The following MUSK variants were observed in gnomAD, a reference collection of about 807,000 sequenced individuals.
MUSK encodes muscle, skeletal receptor tyrosine-protein kinase.
MUSK carries 55 observed loss-of-function variants against 88.7 expected under a neutral mutation model. The ratio of observed to expected loss-of-function variants is 0.62; its 90% CI spans 0.50 to 0.78. The LOEUF (loss-of-function observed/expected upper bound fraction) is 0.78. MUSK is among the 30% of genes least tolerant of loss of function. MUSK has a pLI of 0.00. For synonymous variants in MUSK, 387 were observed against 391.9 expected, an observed-to-expected ratio of 0.99 and a Z score of 0.15; for missense variants, 1,015 against 1,074.3, an observed-to-expected ratio of 0.94 and a Z score of 0.77.
chr9:110,787,361 CAAAAAAA>C (rs10659550), intron 13 of MUSK, among the ~76,000 whole-genome samples: 3 of 91,444 alleles, frequency 3.3e-5, no homozygotes, highest in Admixed American at 1.2e-4. Flanking sequence ...GACTCTGTCT[CAAAAAAA>C]AAAAAAAAAA....
chr9:110,714,337 C>T (rs1036817429), intron 5 of MUSK, among the ~76,000 whole-genome samples: 6 of 152,088 alleles, frequency 3.9e-5, no homozygotes, highest in African/African-American at 9.7e-5. Context: ...GTGAGAAAAA[C>T]GTTACCATCT....
At chr9:110,779,012 CA>C (rs145828330) in intron 11 of MUSK, among the ~76,000 whole-genome samples, 6,084 of 151,782 alleles carry the variant, frequency 0.04, 203 homozygotes, top group Non-Finnish European at 0.062. Flanking sequence ...CCATAATGAT[CA>C]GCTACTATTT....
intron 8 of MUSK, among the ~76,000 whole-genome samples, chr9:110,764,115 A>G (rs564007478): frequency 2.8e-4 from 43 of 152,342 alleles, no homozygotes; most frequent in Non-Finnish European, 4.7e-4. Context: ...AATATTAACT[A>G]GCATTATTAG....
intron 7 of MUSK, among the ~76,000 whole-genome samples, chr9:110,756,316 C>G (rs921126445): frequency 6.6e-6 from 1 of 151,812 alleles, no homozygotes; most frequent in Non-Finnish European, 1.5e-5. Flanking sequence ...CTCATAATCC[C>G]CAGTCCTTGA....
chr9:110,723,234 T>TATACACACACAC (rs1554744129), intron 5 of MUSK, among the ~76,000 whole-genome samples: 1 of 146,670 alleles, frequency 6.8e-6, no homozygotes, highest in Non-Finnish European at 1.5e-5. Context: ...TACATATACA[T>TATACACACACAC]ACACACACAC....
Position 110,804,590 on chromosome 9 carries a change from A to T in MUSK, c.*3602A>T, listed in dbSNP as rs2078137700. ...ATTTTTCTGCTGTGTTCATTTTCTAATCGAATTATGGGATTTATCTTGTAA... is the reference window on the plus strand; with the variant it reads ...ATTTTTCTGCTGTGTTCATTTTCTATTCGAATTATGGGATTTATCTTGTAA... On this transcript the variant is annotated 3_prime_UTR_variant, in exon 15 of 15. Coordinates refer to ENST00000374448, the MANE Select transcript of MUSK (RefSeq NM_005592.4). Among the ~76,000 whole-genome samples, 1 of 151,844 alleles carries T rather than the reference A, an allele frequency of 6.6e-6. No individual in the cohort carries two copies. Among genetic ancestry groups the T allele is most frequent in the South Asian group, 2.1e-4 (1 of 4,822 alleles).
intron 2 of MUSK, 33 bp downstream of exon 2, chr9:110,682,833 T>G (rs756913078): frequency 1.3e-6 from 2 of 1,541,516 alleles, no homozygotes; most frequent in South Asian, 1.1e-5. Flanking sequence ...TTTTTAAATT[T>G]TTGTGGGTAT....
At chr9:110,746,412 C>A (rs76208589) in intron 6 of MUSK, among the ~76,000 whole-genome samples, 53 of 152,254 alleles carry the variant, frequency 3.5e-4, no homozygotes, top group African/African-American at 1.1e-3. Flanking sequence ...TTTCTAATGA[C>A]TGCTCATTTG....
chr9:110,747,587 T>G, intron 6 of MUSK, 54 bp from the exon 7 acceptor site: 1 of 1,513,840 alleles, frequency 6.6e-7, no homozygotes, highest in South Asian at 1.2e-5. Flanking sequence ...TCTACTGACA[T>G]AGTATAGTGG....
intron 3 of MUSK, among the ~76,000 whole-genome samples, chr9:110,692,978 T>C (rs1054668405): frequency 1.3e-5 from 2 of 152,150 alleles, no homozygotes; most frequent in Admixed American, 1.3e-4. Flanking sequence ...GATAAAAAGC[T>C]GGTGGGAATA....
rs547050571 is a variant in MUSK, at chr9:110,750,315, T to G, written c.913+2515T>G. ...CCTAGATGGCAAAGGAGAAGAGGAT[T>G]TGTATTTAGGCAGTGGTGTCTTCTG... On this transcript the variant is annotated intron_variant, in intron 7 of 14. Coordinates refer to ENST00000374448, the MANE Select transcript of MUSK (RefSeq NM_005592.4). Among the ~76,000 whole-genome samples the G allele has an allele frequency of 2.0e-5, 3 of 152,286 alleles. No homozygotes were observed. In the South Asian group the frequency reaches 6.2e-4, roughly 32 times the overall value.
At chr9:110,734,715 T>C (rs560215732) in intron 6 of MUSK, among the ~76,000 whole-genome samples, 1 of 152,280 alleles carries the variant, frequency 6.6e-6, no homozygotes, top group East Asian at 1.9e-4. Flanking sequence ...GCTACTTTGA[T>C]GGAAAGTAAT....
At chr9:110,701,690 CTTT>C (rs2076511383) in intron 5 of MUSK, among the ~76,000 whole-genome samples, 3 of 5,982 alleles carry the variant, frequency 5.0e-4, no homozygotes, top group African/African-American at 3.5e-3. Context: ...TTTTACTTTA[CTTT>C]ATTTTATTTT....
intron 5 of MUSK, 39 bp from the exon 6 acceptor site, chr9:110,734,212 C>G: frequency 6.3e-7 from 1 of 1,583,156 alleles, no homozygotes; most frequent in Non-Finnish European, 8.6e-7. Flanking sequence ...TGACCATTTC[C>G]TGCAGGAGCG....
At chr9:110,788,916 C>T (rs891488235) in intron 14 of MUSK, among the ~76,000 whole-genome samples, 3 of 152,194 alleles carry the variant, frequency 2.0e-5, no homozygotes, top group Non-Finnish European at 4.4e-5. Context: ...TGCAAAGGTA[C>T]TGTGGCAAGA....
intron 6 of MUSK, among the ~76,000 whole-genome samples, chr9:110,737,615 G>A (rs2077045891): frequency 6.6e-6 from 1 of 152,040 alleles, no homozygotes; most frequent in Non-Finnish European, 1.5e-5. Context: ...AGAATAGACT[G>A]CCAAGTTTAC....
intron 1 of MUSK, among the ~76,000 whole-genome samples, chr9:110,678,311 C>G (rs1043290246): frequency 4.6e-5 from 7 of 151,934 alleles, no homozygotes; most frequent in African/African-American, 1.7e-4. Context: ...TGTAGAGATG[C>G]AGTCTTGCCA....
At chr9:110,797,341 C>T (rs934997232) in intron 14 of MUSK, among the ~76,000 whole-genome samples, 10 of 151,354 alleles carry the variant, frequency 6.6e-5, no homozygotes, top group Admixed American at 2.0e-4. Flanking sequence ...TTAGGGCAGT[C>T]GAGGCAGTGA....
intron 7 of MUSK, among the ~76,000 whole-genome samples, chr9:110,751,845 A>G (rs2077251907): frequency 6.6e-6 from 1 of 152,134 alleles, no homozygotes; most frequent in Non-Finnish European, 1.5e-5. Flanking sequence ...CTGACCATAT[A>G]CAGAATCATA....
Sources: allele counts gnomAD v4.1 joint callset (sites outside exome capture counted in the v4.1 genomes callset), GRCh38; gene constraint gnomAD v4.1.1; transcripts MANE v1.5; gene names NCBI Gene and HGNC (gene_info 2026-07-23, HGNC 2026-07-21).